Variants in PRKCH observed in about 807,000 individuals in gnomAD.
PRKCH encodes the protein protein kinase C eta.
In PRKCH, 28 loss-of-function variants were observed where a neutral mutation model predicts 82.5. The ratio of observed to expected loss-of-function variants is 0.34; its 90% CI spans 0.25 to 0.47. PRKCH has a LOEUF of 0.47. Ranked by LOEUF, PRKCH falls within the 20% of genes least tolerant of loss-of-function variation. PRKCH has a pLI of 1.00. For missense variants in PRKCH, 705 were observed against 881.8 expected (o/e 0.80, Z 2.54); for synonymous variants, 322 against 327.4 (o/e 0.98, Z 0.18).
intron 1 of PRKCH, among the ~76,000 whole-genome samples, chr14:61,250,768 T>C (rs1356573827): frequency 2.0e-5 from 3 of 152,018 alleles, no homozygotes; most frequent in African/African-American, 7.3e-5. Context: ...GGTTCATCGA[T>C]TGTAACAAAT....
At position 61,210,146 on chromosome 14, in the gene PRKCH, AT is replaced by A. The variant is rs1566781698; in HGVS notation, c.-19+22479del. ...TATATATATATATATATATATATAT[AT>A]ATATATATATATATAAATTAGCTTG... is the stretch of plus-strand genomic sequence containing the variant. On this transcript the variant is annotated intron_variant, in intron 1 of 3. Transcript: ENST00000555185. Among the ~76,000 whole-genome samples, 58 of 71,204 alleles carry A rather than the reference AT, an allele frequency of 8.1e-4. 1 individual carries two copies. The highest frequency in any genetic ancestry group is 2.3e-3 in the Admixed American group (14 of 6,036). 46.7% of individuals were successfully genotyped at this position (71,204 alleles called of 152,430 possible). A position where few individuals can be genotyped will look rare whatever the true frequency, so the allele number is the denominator to read the frequency against.
intron 1 of PRKCH, among the ~76,000 whole-genome samples, chr14:61,340,131 C>T (rs2045913800): frequency 6.6e-6 from 1 of 151,916 alleles, no homozygotes; most frequent in South Asian, 2.1e-4. Context: ...TCTGCAGATG[C>T]CCTTCCCTGC....
chr14:61,259,342 T>G (rs2045025946), intron 1 of PRKCH, among the ~76,000 whole-genome samples: 1 of 152,208 alleles, frequency 6.6e-6, no homozygotes, highest in African/African-American at 2.4e-5. Context: ...ATTGGAGTTA[T>G]CAAAAGCATT....
intron 10 of PRKCH, among the ~76,000 whole-genome samples, chr14:61,505,175 A>G (rs1887081362): frequency 6.6e-6 from 1 of 152,136 alleles, no homozygotes; most frequent in South Asian, 2.1e-4. Context: ...CCATTGGACT[A>G]CTATGACAGA....
chr14:61,506,401 CA>C (rs1887151291), intron 10 of PRKCH, among the ~76,000 whole-genome samples: 1 of 152,108 alleles, frequency 6.6e-6, no homozygotes, highest in African/African-American at 2.4e-5. Flanking sequence ...TGATTGAAGT[CA>C]GGGGGGTGGG....
intron 1 of PRKCH, among the ~76,000 whole-genome samples, chr14:61,254,574 C>A (rs2044980272): frequency 6.6e-6 from 1 of 152,052 alleles, no homozygotes; most frequent in Admixed American, 6.6e-5. Flanking sequence ...TGTGATTACA[C>A]CACTGCACTC....
At chr14:61,406,835 T>G (rs189362291) in intron 2 of PRKCH, among the ~76,000 whole-genome samples, 5 of 152,228 alleles carry the variant, frequency 3.3e-5, no homozygotes, top group Non-Finnish European at 5.9e-5. Context: ...GTTTGAAGAT[T>G]TCATCAGTTT....
chr14:61,398,657 G>A (rs1485004230), intron 2 of PRKCH, among the ~76,000 whole-genome samples: 4 of 152,148 alleles, frequency 2.6e-5, no homozygotes, highest in Non-Finnish European at 5.9e-5. Flanking sequence ...TCAAGCCTTA[G>A]ACCAGTCAGG....
chr14:61,326,701 C>T (rs982761910), intron 1 of PRKCH, among the ~76,000 whole-genome samples: 1 of 152,162 alleles, frequency 6.6e-6, no homozygotes. Flanking sequence ...CCAAGTCTGA[C>T]TCTTGAAAAC....
chr14:61,335,824 G>A (rs910179770), intron 1 of PRKCH, among the ~76,000 whole-genome samples: 4 of 152,208 alleles, frequency 2.6e-5, no homozygotes, highest in African/African-American at 9.7e-5. Context: ...TTAGGATGCA[G>A]AATCTATAAT....
intron 1 of PRKCH, among the ~76,000 whole-genome samples, chr14:61,259,723 G>A (rs146673891): frequency 7.7e-4 from 117 of 152,220 alleles, no homozygotes; most frequent in African/African-American, 2.7e-3. Flanking sequence ...TTATAACAAA[G>A]CATTTTTTTT....
At chr14:61,356,021 A>G (rs1489384189) in intron 1 of PRKCH, among the ~76,000 whole-genome samples, 1 of 152,162 alleles carries the variant, frequency 6.6e-6, no homozygotes, top group African/African-American at 2.4e-5. Context: ...TCTTTCTGGT[A>G]ACACATCGCC....
intron 1 of PRKCH, among the ~76,000 whole-genome samples, chr14:61,324,865 A>G (rs992335322): frequency 2.0e-5 from 3 of 152,162 alleles, no homozygotes; most frequent in African/African-American, 7.2e-5. Flanking sequence ...AATTGAATTT[A>G]CTCCATAATA....
At chr14:61,271,047 A>G (rs1247540859) in intron 1 of PRKCH, among the ~76,000 whole-genome samples, 1 of 152,210 alleles carries the variant, frequency 6.6e-6, no homozygotes, top group Admixed American at 6.5e-5. Flanking sequence ...CCTTTTCATC[A>G]GCGCAGAGTA....
At chr14:61,482,853 A>G (rs1234763330) in intron 9 of PRKCH, among the ~76,000 whole-genome samples, 1 of 152,184 alleles carries the variant, frequency 6.6e-6, no homozygotes, top group Non-Finnish European at 1.5e-5. Flanking sequence ...TTCTCCCCCC[A>G]GATCTGGAAT....
chr14:61,466,590 A>G (rs997873270), intron 9 of PRKCH, among the ~76,000 whole-genome samples: 9 of 152,222 alleles, frequency 5.9e-5, no homozygotes, highest in African/African-American at 2.2e-4. Context: ...GACCCAGTTT[A>G]TGGAAGCAAA....
intron 10 of PRKCH, among the ~76,000 whole-genome samples, chr14:61,514,263 C>A (rs2042788818): frequency 6.9e-6 from 1 of 144,904 alleles, no homozygotes; most frequent in East Asian, 2.1e-4. Context: ...CAGTTAAATT[C>A]ATGTAAATCC....
At chr14:61,308,898 G>C (rs886505417) in intron 1 of PRKCH, among the ~76,000 whole-genome samples, 1 of 151,790 alleles carries the variant, frequency 6.6e-6, no homozygotes, top group Non-Finnish European at 1.5e-5. Flanking sequence ...CACAATGCTG[G>C]GATTACAGGC....
At chr14:61,522,455 C>T (rs1035498262) in intron 10 of PRKCH, among the ~76,000 whole-genome samples, 1 of 152,186 alleles carries the variant, frequency 6.6e-6, no homozygotes, top group African/African-American at 2.4e-5. Flanking sequence ...TCTCTTCTCT[C>T]GCCACCCAGG....
Sources: allele counts gnomAD v4.1 joint callset (sites outside exome capture counted in the v4.1 genomes callset), GRCh38; gene constraint gnomAD v4.1.1; transcripts MANE v1.5; gene names NCBI Gene and HGNC (gene_info 2026-07-23, HGNC 2026-07-21).